The following NRXN3 variants were observed in gnomAD, a reference collection of about 807,000 sequenced individuals.
NRXN3 encodes neurexin III.
A neutral mutation model predicts 137.6 loss-of-function variants in NRXN3; 32 were observed. The ratio of observed to expected loss-of-function variants is 0.23; its 90% CI spans 0.18 to 0.31. NRXN3 has a LOEUF of 0.31. NRXN3 is among the 10% of genes least tolerant of loss of function. The pLI, the probability that NRXN3 is intolerant of heterozygous loss-of-function variation, is 1.00. For missense variants in NRXN3, 1,574 were observed against 2,062.5 expected (o/e 0.76, Z 4.59); for synonymous variants, 798 against 784.5 (o/e 1.02, Z -0.29).
At chr14:78,823,816 C>G (rs75406394) in intron 10 of NRXN3, among the ~76,000 whole-genome samples, 1,926 of 151,994 alleles carry the variant, frequency 0.013, 44 homozygotes, top group African/African-American at 0.044. Context: ...GAGCTTCATG[C>G]CTCTTCATGG....
chr14:78,628,106 G>A (rs2097485053), intron 4 of NRXN3, among the ~76,000 whole-genome samples: 1 of 147,494 alleles, frequency 6.8e-6, no homozygotes, highest in South Asian at 2.1e-4. Flanking sequence ...CAAATCTTAC[G>A]CTGTCACTCA....
intron 1 of NRXN3, among the ~76,000 whole-genome samples, chr14:78,222,371 G>T (rs1292263014): frequency 6.6e-6 from 1 of 152,124 alleles, no homozygotes; most frequent in Non-Finnish European, 1.5e-5. Flanking sequence ...CTAGAAGAGC[G>T]TGGGCTCACC....
chr14:79,245,481 GAAGA>G (rs1310977675), intron 15 of NRXN3, among the ~76,000 whole-genome samples: 15 of 151,902 alleles, frequency 9.9e-5, no homozygotes, highest in Admixed American at 7.2e-4. Context: ...AGATGAGAGA[GAAGA>G]AAGAATGAAT....
At chr14:79,094,979 A>AGAGTGTGTGTGTGTGTGTGT (rs553957969) in intron 15 of NRXN3, among the ~76,000 whole-genome samples, 2 of 115,928 alleles carry the variant, frequency 1.7e-5, no homozygotes, top group African/African-American at 6.4e-5. Flanking sequence ...AGAGAGAGAG[A>AGAGTGTGTGTGTGTGTGTGT]GTGTGTGTGT....
At chr14:78,680,405 C>A (rs2098062333) in intron 6 of NRXN3, among the ~76,000 whole-genome samples, 1 of 152,080 alleles carries the variant, frequency 6.6e-6, no homozygotes, top group Non-Finnish European at 1.5e-5. Context: ...AGCACCTTTT[C>A]TATTTATTAC....
chr14:79,042,729 C>A (rs2099627045), intron 15 of NRXN3, among the ~76,000 whole-genome samples: 1 of 152,128 alleles, frequency 6.6e-6, no homozygotes, highest in African/African-American at 2.4e-5. Context: ...AAAGGTATGG[C>A]AAGTGTGTAT....
chr14:79,655,228 G>T (rs1028561429), intron 16 of NRXN3, among the ~76,000 whole-genome samples: 25 of 152,314 alleles, frequency 1.6e-4, no homozygotes, highest in Non-Finnish European at 3.4e-4. Flanking sequence ...CAGTCAGTAG[G>T]GAACAGGGTT....
chr14:79,204,478 T>C (rs997803848), intron 15 of NRXN3, among the ~76,000 whole-genome samples: 5 of 150,862 alleles, frequency 3.3e-5, no homozygotes, highest in Non-Finnish European at 1.5e-5. Context: ...CAGTTAAGAG[T>C]TGGGTATAAA....
chr14:79,072,387 C>T (rs2099688991), intron 15 of NRXN3: 1 of 152,134 alleles, frequency 6.6e-6, no homozygotes, highest in Admixed American at 6.5e-5. Flanking sequence ...CAAAACCTTC[C>T]AGATTTGGGC....
intron 16 of NRXN3, among the ~76,000 whole-genome samples, chr14:79,493,407 C>CA (rs774432803): frequency 6.6e-6 from 1 of 152,228 alleles, no homozygotes; most frequent in Non-Finnish European, 1.5e-5. Context: ...ACAGTGCCTA[C>CA]AGGAGCTACA....
chr14:79,431,647 T>A (rs1477836841), intron 15 of NRXN3, among the ~76,000 whole-genome samples: 1 of 152,098 alleles, frequency 6.6e-6, no homozygotes, highest in African/African-American at 2.4e-5. Flanking sequence ...ATTAAATAAA[T>A]CAAGTTTGCA....
intron 4 of NRXN3, among the ~76,000 whole-genome samples, chr14:78,413,366 A>G (rs2092943906): frequency 6.6e-6 from 1 of 152,020 alleles, no homozygotes; most frequent in Non-Finnish European, 1.5e-5. Context: ...GCTCACCACA[A>G]CCTCCACCTA....
chr14:78,860,390 T>C (rs1236543062), intron 10 of NRXN3, among the ~76,000 whole-genome samples: 3 of 152,138 alleles, frequency 2.0e-5, no homozygotes, highest in African/African-American at 4.8e-5. Context: ...CTCCATCTTA[T>C]ATAAACCTTA....
chr14:78,888,819 C>G (rs562791996), intron 10 of NRXN3, among the ~76,000 whole-genome samples: 1 of 136,132 alleles, frequency 7.3e-6, no homozygotes, highest in South Asian at 2.6e-4. Context: ...TGGGGACTTA[C>G]AGTCTAGTTG....
chr14:79,709,084 C>T (rs529893257), intron 19 of NRXN3, among the ~76,000 whole-genome samples: 57 of 152,134 alleles, frequency 3.7e-4, no homozygotes, highest in African/African-American at 1.3e-3. Context: ...TACAGATCAC[C>T]TGGGTAATCT....
At chr14:79,412,070 A>G (rs572702136) in intron 15 of NRXN3, among the ~76,000 whole-genome samples, 11 of 152,132 alleles carry the variant, frequency 7.2e-5, no homozygotes, top group African/African-American at 2.7e-4. Context: ...ATGGTGGTTA[A>G]TCTACATGTC....
intron 19 of NRXN3, among the ~76,000 whole-genome samples, chr14:79,732,235 G>C (rs1351610366): frequency 1.3e-5 from 2 of 152,052 alleles, no homozygotes; most frequent in Admixed American, 1.3e-4. Context: ...CATGTTCTCA[G>C]GATCCCACTG....
At chr14:78,731,446 T>C (rs1489358997) in intron 8 of NRXN3, among the ~76,000 whole-genome samples, 2 of 152,046 alleles carry the variant, frequency 1.3e-5, no homozygotes, top group Non-Finnish European at 2.9e-5. Context: ...TTGGCCGACA[T>C]TAACTGAGTA....
chr14:79,526,723 A>C (rs1674891602), intron 16 of NRXN3, among the ~76,000 whole-genome samples: 1 of 152,198 alleles, frequency 6.6e-6, no homozygotes, highest in Non-Finnish European at 1.5e-5. Context: ...AGAGATAATA[A>C]ACAAGGAAAT....
Sources: allele counts gnomAD v4.1 joint callset (sites outside exome capture counted in the v4.1 genomes callset), GRCh38; gene constraint gnomAD v4.1.1; transcripts MANE v1.5; gene names NCBI Gene and HGNC (gene_info 2026-07-23, HGNC 2026-07-21).